APBB1: variants seen among roughly 807,000 people sequenced by gnomAD.
APBB1 encodes the protein amyloid beta precursor protein binding family B member 1.
In APBB1, 22 loss-of-function variants were observed where a neutral mutation model predicts 78.4. That is an observed-to-expected ratio of 0.28 (90% CI 0.20 to 0.40). APBB1 has a LOEUF of 0.40. Ranked by LOEUF, APBB1 falls within the 10% of genes least tolerant of loss-of-function variation. The probability of loss-of-function intolerance (pLI) is 1.00; values close to 1 mark genes in which losing one functional copy is unlikely to be tolerated. For synonymous variants in APBB1, 369 were observed against 372.7 expected, an observed-to-expected ratio of 0.99 and a Z score of 0.12; for missense variants, 749 against 932.4, an observed-to-expected ratio of 0.80 and a Z score of 2.56.
intron 1 of APBB1, among the ~76,000 whole-genome samples, chr11:6,417,334 G>A (rs550581843): frequency 6.2e-4 from 95 of 152,142 alleles, no homozygotes; most frequent in African/African-American, 2.2e-3. Flanking sequence ...CCCTATCCCC[G>A]AGACCAGTTT....
intron 12 of APBB1, among the ~76,000 whole-genome samples, chr11:6,397,093 T>A (rs561146802): frequency 2.3e-4 from 35 of 152,306 alleles, no homozygotes; most frequent in African/African-American, 8.2e-4. Flanking sequence ...CAGGAGCACA[T>A]GTTGTGGCAA....
intron 12 of APBB1, among the ~76,000 whole-genome samples, chr11:6,398,400 A>T (rs1458537196): frequency 2.0e-5 from 3 of 152,186 alleles, no homozygotes; most frequent in African/African-American, 7.2e-5. Context: ...ATTCATTACC[A>T]CTTGTTAAAT....
chr11:6,408,851 C>T lies in APBB1; in HGVS notation c.721+1776G>A, dbSNP rs12281483. On this transcript the variant is annotated intron_variant, in intron 2 of 14. Transcript: ENST00000609360. ...ACAGGGTTTCACCATGTTAACCAGGCTGTTTCTGAACTCCTGGCCTCAAGC... is the reference window on the plus strand; with the variant it reads ...ACAGGGTTTCACCATGTTAACCAGGTTGTTTCTGAACTCCTGGCCTCAAGC... 1.2e-4 allele frequency among the ~76,000 whole-genome samples: 18 copies of T among 152,154 alleles called. 1 individual carries two copies. Among genetic ancestry groups the T allele is most frequent in the African/African-American group, 4.3e-4 (18 of 41,434 alleles).
At chr11:6,404,624 C>T (rs1446891088) in intron 2 of APBB1, 2 of 1,536,296 alleles carry the variant, frequency 1.3e-6, no homozygotes, top group Admixed American at 2.0e-5. Context: ...CTGTGTCATA[C>T]ACCCTTGTCT....
intron 2 of APBB1, among the ~76,000 whole-genome samples, chr11:6,406,334 T>C (rs1319164519): frequency 1.3e-5 from 2 of 152,118 alleles, no homozygotes; most frequent in East Asian, 3.9e-4. Context: ...AATCAGTGAT[T>C]GACTTAAAGC....
Position 6,411,122 on chromosome 11 carries a change from G to T in APBB1, c.226C>A (p.Gln76Lys). Residue 76 changes from glutamine (Q) to lysine (K), a missense_variant, in exon 2 of 15, where the codon CAG becomes AAG. Physicochemically the swap from Gln to Lys is moderately conservative, Grantham distance 53 (BLOSUM62 1). This residue lies in a region of APBB1 where 635 missense variants were observed against 765.0 expected (regional missense o/e 0.83). Transcript: ENST00000609360. This position sits in a 1 kb window ranked among gnomAD's most constrained non-coding sequence, Gnocchi z 5.2. The part of the protein sequence containing the change: ...NAKWLKEGQN[Q>K]LRRAATAHRD... ...TGGGCCGTGGCGGCCCGCCGGAGCTGGTTCTGGCCCTCTTTTAGCCACTTG... is the reference window on the plus strand; with the variant it reads ...TGGGCCGTGGCGGCCCGCCGGAGCTTGTTCTGGCCCTCTTTTAGCCACTTG... 6.2e-7 allele frequency: 1 copy of T among 1,611,854 alleles called. No homozygotes were observed. The highest frequency in any genetic ancestry group is 8.5e-7 in the Non-Finnish European group (1 of 1,179,988).
chr11:6,405,122 C>G, intron 2 of APBB1: 1 of 1,314,520 alleles, frequency 7.6e-7, no homozygotes. Context: ...ATCCCACCCT[C>G]CAGTGGTTAC....
intron 12 of APBB1, among the ~76,000 whole-genome samples, chr11:6,398,551 T>C (rs1308283088): frequency 6.6e-6 from 1 of 152,178 alleles, no homozygotes; most frequent in African/African-American, 2.4e-5. Flanking sequence ...TGATCTGGCA[T>C]AGGGAGGACC....
In APBB1 at chr11:6,410,778, G is replaced by T; in HGVS notation, c.570C>A (p.Pro190=). The change falls in exon 2 of 15, where the codon CCC becomes CCA. Residue 190 remains proline, a synonymous_variant. Coordinates refer to ENST00000609360, the MANE Select transcript of APBB1 (RefSeq NM_001164.5). ...PEPLESVEAP[P]RPQALTDGPR... Reference sequence around the variant, plus strand: ...GGCCATCTGTAAGGGCTTGGGGCCTGGGAGGGGCCTCCACACTCTCCAGGG... The same window carrying T: ...GGCCATCTGTAAGGGCTTGGGGCCTTGGAGGGGCCTCCACACTCTCCAGGG... The T allele has an allele frequency of 6.2e-7, 1 of 1,604,632 alleles. No individual in the cohort carries two copies. Among genetic ancestry groups the T allele is most frequent in the Non-Finnish European group, 8.5e-7 (1 of 1,174,058 alleles).
chr11:6,403,023 T>C lies in APBB1; in HGVS notation c.1104+122A>G, dbSNP rs760441445. ...CAGACACAGGGCTCTGTGCTGAGAC[T>C]GGAAGAACTCCTAACTCAGGACCTG... On this transcript the variant is annotated intron_variant, in intron 6 of 14. Coordinates refer to ENST00000609360, the MANE Select transcript of APBB1 (RefSeq NM_001164.5). This position sits in a 1 kb window ranked among gnomAD's most constrained non-coding sequence, Gnocchi z 5.3. 8.5e-5 allele frequency: 85 copies of C among 998,344 alleles called. No homozygotes were observed. The highest frequency in any genetic ancestry group is 1.1e-4 in the Non-Finnish European group (76 of 669,606). The allele number at this position is 998,344 out of a possible 1,614,324, so 61.8% of individuals were successfully genotyped here.
intron 1 of APBB1, among the ~76,000 whole-genome samples, chr11:6,416,834 C>T (rs2634187): frequency 0.16 from 24,616 of 151,986 alleles, 2,322 homozygotes; most frequent in South Asian, 0.24. Flanking sequence ...CTCTGCCTCC[C>T]GGGTTCAAGC....
At chr11:6,405,215 A>G in intron 2 of APBB1, 1 of 1,083,508 alleles carries the variant, frequency 9.2e-7, no homozygotes, top group Non-Finnish European at 1.1e-6. Context: ...GGGGCCCTGC[A>G]GAGCCTATAG....
At position 6,410,939 on chromosome 11, in the gene APBB1, G is replaced by A; in HGVS notation, c.409C>T (p.Leu137=). The A allele has an allele frequency of 6.2e-7, 1 of 1,614,184 alleles. No homozygotes were observed. The highest frequency in any genetic ancestry group is 8.5e-7 in the Non-Finnish European group (1 of 1,180,042). ...AANRGLRGPG[L]IISTQEQGPD... is the part of the protein sequence containing the mutation. The stretch of plus-strand genomic sequence containing the variant: ...CCCTGCTCTTGAGTGCTGATGATCA[G>A]GCCAGGTCCTCGTAGGCCTCGGTTG... The change falls in exon 2 of 15, where the codon CTG becomes TTG. Residue 137 remains leucine (L), a synonymous_variant. Coordinates refer to ENST00000609360, the MANE Select transcript of APBB1 (RefSeq NM_001164.5).
intron 13 of APBB1, 51 bp downstream of exon 13, chr11:6,396,049 G>C (rs372446774): frequency 1.6e-4 from 255 of 1,599,684 alleles, no homozygotes; most frequent in Non-Finnish European, 1.9e-4. Flanking sequence ...CTCACCCCCA[G>C]TCTCCCCTCT....
At chr11:6,406,464 C>T (rs535707958) in intron 2 of APBB1, among the ~76,000 whole-genome samples, 1 of 152,236 alleles carries the variant, frequency 6.6e-6, no homozygotes, top group South Asian at 2.1e-4. Context: ...TGGTCTCCTC[C>T]AATCTCAGCT....
chr11:6,400,419 G>A (rs912671495), intron 12 of APBB1, among the ~76,000 whole-genome samples: 15 of 152,192 alleles, frequency 9.9e-5, no homozygotes, highest in Admixed American at 8.5e-4. Context: ...GCGGGAGCCT[G>A]TAATCCCAGC....
At chr11:6,402,909 T>G (rs1247459640) in intron 6 of APBB1, 184 bp from the exon 7 acceptor site, 1 of 829,180 alleles carries the variant, frequency 1.2e-6, no homozygotes, top group Non-Finnish European at 1.8e-6. Context: ...AGACCCCAGC[T>G]AGTACAAAAA....
Position 6,410,803 on chromosome 11 carries a change from G to A in APBB1, c.545C>T (p.Pro182Leu), listed in dbSNP as rs549723601. 1.5e-5 allele frequency: 24 copies of A among 1,613,244 alleles called. No individual in the cohort carries two copies. Among genetic ancestry groups the A allele is most frequent in the South Asian group, 1.2e-4 (11 of 91,014 alleles). ...DLSSPPGLPEPLESVEAPPRP... is the reference protein window; with the variant it reads ...DLSSPPGLPELLESVEAPPRP... ...GGGAGGGGCCTCCACACTCTCCAGG[G>A]GCTCAGGCAGCCCTGGGGGAGAAGA... is the stretch of plus-strand genomic sequence containing the variant. The change falls in exon 2 of 15, where the codon CCC becomes CTC. Residue 182 changes from proline to leucine, a missense_variant. Coordinates refer to ENST00000609360, the MANE Select transcript of APBB1 (RefSeq NM_001164.5).
intron 12 of APBB1, among the ~76,000 whole-genome samples, chr11:6,399,801 C>A (rs1308357355): frequency 6.6e-6 from 1 of 152,190 alleles, no homozygotes; most frequent in Non-Finnish European, 1.5e-5. Flanking sequence ...CTGACCACTG[C>A]CCAGCTGTCG....
Sources: gnomAD v4.1 joint callset for allele counts (sites outside exome capture counted in the v4.1 genomes callset) on GRCh38, gnomAD v4.1.1 for gene constraint, gnomAD v4.1.1 regional missense constraint, Gnocchi (gnomAD v3.1) non-coding constraint, MANE v1.5 for transcripts, NCBI Gene and HGNC (gene_info 2026-07-23, HGNC 2026-07-21) for gene names.